DNAJB6: variants seen among roughly 807,000 people sequenced by gnomAD.
DNAJB6 encodes the protein DnaJ heat shock protein family (Hsp40) member B6.
Under a neutral mutation model 42.7 loss-of-function variants are expected in DNAJB6, and 16 were observed. The ratio of observed to expected loss-of-function variants is 0.37; its 90% CI spans 0.25 to 0.57. The LOEUF (loss-of-function observed/expected upper bound fraction) is 0.57. Among genes scored for constraint, DNAJB6 ranks in the 20% least tolerant of loss-of-function variants. The probability of loss-of-function intolerance (pLI) is 0.74; values close to 1 mark genes in which losing one functional copy is unlikely to be tolerated. For synonymous variants in DNAJB6, 170 were observed against 163.5 expected (o/e 1.04, Z -0.30); for missense variants, 347 against 416.8 (o/e 0.83, Z 1.46).
chr7:157,377,337 A>G, intron 5 of DNAJB6, among the ~76,000 whole-genome samples: 1 of 152,268 alleles, frequency 6.6e-6, no homozygotes, highest in Non-Finnish European at 1.5e-5. Flanking sequence ...AAAAAATCAG[A>G]ACTCAGTCCT....
intron 2 of DNAJB6, among the ~76,000 whole-genome samples, 174 bp downstream of exon 2, chr7:157,358,811 G>C (rs2116949988): frequency 6.6e-6 from 1 of 152,258 alleles, no homozygotes; most frequent in Admixed American, 6.5e-5. Flanking sequence ...TCTAGGCCTG[G>C]GCTTTGCTCT....
intron 8 of DNAJB6, among the ~76,000 whole-genome samples, chr7:157,394,560 T>C (rs1478060952): frequency 6.6e-6 from 1 of 152,126 alleles, no homozygotes; most frequent in African/African-American, 2.4e-5. Context: ...TGAATCCATC[T>C]AGAACATTTG....
At chr7:157,386,364 A>G in intron 8 of DNAJB6, 1 of 969,206 alleles carries the variant, frequency 1.0e-6, no homozygotes, top group Non-Finnish European at 1.2e-6. Flanking sequence ...CTGGGCTTCT[A>G]GTGTCACTTT....
intron 8 of DNAJB6, among the ~76,000 whole-genome samples, chr7:157,406,222 T>G (rs1795762603): frequency 6.6e-6 from 1 of 152,184 alleles, no homozygotes; most frequent in South Asian, 2.1e-4. Flanking sequence ...CACGGGAAGC[T>G]CGGTGTGGGG....
chr7:157,363,454 C>T (rs574740989), intron 3 of DNAJB6, among the ~76,000 whole-genome samples, 184 bp downstream of exon 3: 1 of 152,084 alleles, frequency 6.6e-6, no homozygotes, highest in Non-Finnish European at 1.5e-5. Context: ...ATTTAGGTAA[C>T]CACGAGTGCT....
chr7:157,367,308 C>A, intron 4 of DNAJB6, 65 bp from the exon 5 acceptor site: 6 of 1,066,398 alleles, frequency 5.6e-6, no homozygotes, highest in Non-Finnish European at 8.7e-6. Flanking sequence ...GTTTTGTCAA[C>A]AAAGAATTCT....
intron 2 of DNAJB6, among the ~76,000 whole-genome samples, chr7:157,360,808 ACT>A: frequency 6.6e-6 from 1 of 151,510 alleles, no homozygotes. Context: ...GAGATACCAG[ACT>A]CTTCCTGGGT....
At chr7:157,344,436 C>T (rs1798578878) in intron 1 of DNAJB6, among the ~76,000 whole-genome samples, 1 of 151,104 alleles carries the variant, frequency 6.6e-6, no homozygotes, top group Non-Finnish European at 1.5e-5. Flanking sequence ...TCGCTGGAAC[C>T]AGGGAGGTGG....
At chr7:157,398,346 G>A (rs1215082145) in intron 8 of DNAJB6, among the ~76,000 whole-genome samples, 1 of 152,334 alleles carries the variant, frequency 6.6e-6, no homozygotes, top group African/African-American at 2.4e-5. Context: ...CCTAATTTGT[G>A]TAAGTAGCGA....
chr7:157,379,493 C>G (rs1363416614), intron 5 of DNAJB6: 2 of 152,124 alleles, frequency 1.3e-5, no homozygotes, highest in Non-Finnish European at 2.9e-5. Context: ...CACATGAGTG[C>G]CTTTCTCACT....
chr7:157,414,886 ATGT>A (rs1796074434), intron 9 of DNAJB6: 2 of 152,432 alleles, frequency 1.3e-5, no homozygotes, highest in African/African-American at 2.4e-5. Flanking sequence ...CACCTGTGAC[ATGT>A]TGGTCAGCGT....
At chr7:157,355,661 A>G (rs1377844610) in intron 1 of DNAJB6, among the ~76,000 whole-genome samples, 4 of 152,174 alleles carry the variant, frequency 2.6e-5, no homozygotes, top group Non-Finnish European at 1.5e-5. Flanking sequence ...CAGGCAAGGA[A>G]GTGGAGCGGC....
chr7:157,358,521 C>A, intron 1 of DNAJB6, 26 bp from the exon 2 acceptor site: 1 of 1,509,266 alleles, frequency 6.6e-7, no homozygotes, highest in Non-Finnish European at 9.2e-7. Context: ...GCAGCCTCAT[C>A]ACTGACCACC....
At position 157,373,451 on chromosome 7, in the gene DNAJB6, A is replaced by C. The variant is rs559052952; in HGVS notation, c.346+5968A>C. ...CTGCAACTTCCGCCTCCCAGGTTCA[A>C]GTGATTCTCTTGCCTCAGCCTCCCA... On this transcript the variant is annotated intron_variant, in intron 5 of 9. Coordinates refer to ENST00000262177, the MANE Select transcript of DNAJB6 (RefSeq NM_058246.4). 1.1e-3 allele frequency among the ~76,000 whole-genome samples: 170 copies of C among 152,260 alleles called. 1 individual carries two copies. Among genetic ancestry groups the C allele is most frequent in the African/African-American group, 3.8e-3 (159 of 41,534 alleles).
chr7:157,338,948 A>G (rs760493413), intron 1 of DNAJB6, among the ~76,000 whole-genome samples: 1 of 152,208 alleles, frequency 6.6e-6, no homozygotes, highest in African/African-American at 2.4e-5. Context: ...AGAATTTGAG[A>G]TGAGTTCAGC....
intron 2 of DNAJB6, among the ~76,000 whole-genome samples, chr7:157,362,818 A>G (rs1799671096): frequency 6.6e-6 from 1 of 152,112 alleles, no homozygotes; most frequent in African/African-American, 2.4e-5. Flanking sequence ...GTATTTTTAC[A>G]ATTTTAATTT....
At chr7:157,349,273 G>A (rs1333264840) in intron 1 of DNAJB6, among the ~76,000 whole-genome samples, 1 of 152,146 alleles carries the variant, frequency 6.6e-6, no homozygotes, top group Non-Finnish European at 1.5e-5. Flanking sequence ...TAAATAGTAA[G>A]TTTGTATGAT....
intron 2 of DNAJB6, among the ~76,000 whole-genome samples, chr7:157,360,387 G>A (rs1344261511): frequency 6.6e-6 from 1 of 152,152 alleles, no homozygotes; most frequent in African/African-American, 2.4e-5. Flanking sequence ...GGGAGTTCTG[G>A]GAGTTACAAC....
At chr7:157,377,914 A>G (rs1456662698) in intron 5 of DNAJB6, among the ~76,000 whole-genome samples, 1 of 152,198 alleles carries the variant, frequency 6.6e-6, no homozygotes, top group East Asian at 1.9e-4. Flanking sequence ...TATCCCACAG[A>G]CAACCAACAG....
Sources: allele counts gnomAD v4.1 joint callset (sites outside exome capture counted in the v4.1 genomes callset), GRCh38; gene constraint gnomAD v4.1.1; transcripts MANE v1.5; gene names NCBI Gene and HGNC (gene_info 2026-07-23, HGNC 2026-07-21).